The following NR3C2 variants were observed in gnomAD, a reference collection of about 807,000 sequenced individuals.
NR3C2 encodes the protein mineralocorticoid receptor.
A neutral mutation model predicts 86.4 loss-of-function variants in NR3C2; 15 were observed. That is an observed-to-expected ratio of 0.17 (90% CI 0.12 to 0.27). The LOEUF (loss-of-function observed/expected upper bound fraction) is 0.27, where lower values mean the gene tolerates loss of function less well. Ranked by LOEUF, NR3C2 falls within the 10% of genes least tolerant of loss-of-function variation. NR3C2 has a pLI of 1.00. For synonymous variants in NR3C2, 458 were observed against 450.5 expected (o/e 1.02, Z -0.21); for missense variants, 960 against 1,195.6 (o/e 0.80, Z 2.91).
chr4:148,175,496 AT>A (rs1302136543), intron 4 of NR3C2, among the ~76,000 whole-genome samples: 1 of 152,208 alleles, frequency 6.6e-6, no homozygotes, highest in Non-Finnish European at 1.5e-5. Context: ...AAGCTTTTGA[AT>A]TTGGCTTAAA....
intron 3 of NR3C2, among the ~76,000 whole-genome samples, chr4:148,243,646 T>C (rs1739171975): frequency 6.6e-6 from 1 of 152,212 alleles, no homozygotes; most frequent in South Asian, 2.1e-4. Flanking sequence ...CATAGTGGGT[T>C]TTCTTTAAAT....
intron 2 of NR3C2, among the ~76,000 whole-genome samples, chr4:148,298,425 C>T (rs551132591): frequency 1.1e-4 from 16 of 152,252 alleles, no homozygotes; most frequent in South Asian, 2.1e-4. Context: ...AAATGTGTTG[C>T]GCCTTGATCA....
chr4:148,373,631 T>G (rs9999121), intron 2 of NR3C2, among the ~76,000 whole-genome samples: 1 of 151,824 alleles, frequency 6.6e-6, no homozygotes, highest in Non-Finnish European at 1.5e-5. Context: ...CGTGCCACCA[T>G]GCCTGGCTAA....
chr4:148,234,495 C>A (rs1738638512), intron 3 of NR3C2, among the ~76,000 whole-genome samples: 1 of 151,946 alleles, frequency 6.6e-6, no homozygotes, highest in South Asian at 2.1e-4. Flanking sequence ...CACGGTGAAA[C>A]CCCGTATTTG....
At chr4:148,215,379 C>T (rs1264280090) in intron 3 of NR3C2, among the ~76,000 whole-genome samples, 3 of 152,220 alleles carry the variant, frequency 2.0e-5, no homozygotes, top group African/African-American at 7.2e-5. Context: ...ACTGCTGCTG[C>T]ATGCTGGTGG....
intron 4 of NR3C2, among the ~76,000 whole-genome samples, chr4:148,172,570 T>C (rs763333124): frequency 7.9e-5 from 12 of 152,226 alleles, no homozygotes; most frequent in Admixed American, 1.3e-4. Context: ...AGTTTTATAA[T>C]GAAATCTTTT....
chr4:148,307,880 T>C (rs1404521758), intron 2 of NR3C2, among the ~76,000 whole-genome samples: 1 of 149,706 alleles, frequency 6.7e-6, no homozygotes, highest in Non-Finnish European at 1.5e-5. Flanking sequence ...AAAGGGCACT[T>C]GAAGATACTC....
At chr4:148,371,619 GAA>G (rs57980467) in intron 2 of NR3C2, among the ~76,000 whole-genome samples, 1 of 145,096 alleles carries the variant, frequency 6.9e-6, no homozygotes, top group African/African-American at 2.5e-5. Flanking sequence ...CACTAGAAGA[GAA>G]AAAAAAAAGG....
chr4:148,262,612 T>C (rs892291491), intron 2 of NR3C2, among the ~76,000 whole-genome samples: 1 of 152,178 alleles, frequency 6.6e-6, no homozygotes, highest in Admixed American at 6.5e-5. Flanking sequence ...TCCTAGCCCT[T>C]AGTACCTTGT....
At chr4:148,401,404 G>A (rs1370995490) in intron 2 of NR3C2, among the ~76,000 whole-genome samples, 1 of 149,996 alleles carries the variant, frequency 6.7e-6, no homozygotes, top group Admixed American at 6.6e-5. Flanking sequence ...ATATCACACA[G>A]TTTTGGTCTA....
At chr4:148,081,787 T>TG (rs942883011) in intron 8 of NR3C2, among the ~76,000 whole-genome samples, 58 of 152,354 alleles carry the variant, frequency 3.8e-4, no homozygotes, top group African/African-American at 1.3e-3. Context: ...TAACAGTGAC[T>TG]GGGTCACTGA....
intron 1 of NR3C2, among the ~76,000 whole-genome samples, chr4:148,437,942 TTGATA>T (rs1750156599): frequency 6.6e-6 from 1 of 152,244 alleles, no homozygotes. Flanking sequence ...ATAGGCTATA[TTGATA>T]TAATTCTTAC....
At chr4:148,394,957 G>T (rs1747786639) in intron 2 of NR3C2, among the ~76,000 whole-genome samples, 1 of 152,062 alleles carries the variant, frequency 6.6e-6, no homozygotes, top group Non-Finnish European at 1.5e-5. Flanking sequence ...AGACGAAATT[G>T]TTCAGTTTGC....
intron 3 of NR3C2, among the ~76,000 whole-genome samples, chr4:148,259,570 A>G (rs796845366): frequency 2.0e-5 from 3 of 152,242 alleles, no homozygotes; most frequent in South Asian, 4.1e-4. Flanking sequence ...TGATTCTGAT[A>G]TTAACGTTTT....
At chr4:148,193,051 T>C (rs1473347467) in intron 4 of NR3C2, among the ~76,000 whole-genome samples, 1 of 152,210 alleles carries the variant, frequency 6.6e-6, no homozygotes, top group East Asian at 1.9e-4. Flanking sequence ...TCCTTCTCCT[T>C]GTGGAGTTTT....
At chr4:148,187,854 T>A (rs1736004009) in intron 4 of NR3C2, among the ~76,000 whole-genome samples, 1 of 152,234 alleles carries the variant, frequency 6.6e-6, no homozygotes, top group African/African-American at 2.4e-5. Context: ...TAGTTTCAGG[T>A]ATTAGGTTTA....
rs182259558 is a variant in NR3C2, at chr4:148,332,847, G to A, written c.1758-72730C>T. On this transcript the variant is annotated intron_variant, in intron 2 of 8. Transcript: ENST00000358102. ...TTCTTCCAAAGAGTTCTTTTGGAGGGTGTGTTAGAGTGTGTATGTGTATGT... is the reference window on the plus strand; with the variant it reads ...TTCTTCCAAAGAGTTCTTTTGGAGGATGTGTTAGAGTGTGTATGTGTATGT... Among the ~76,000 whole-genome samples the A allele has an allele frequency of 9.1e-4, 138 of 152,268 alleles. 1 individual carries two copies. In the Middle Eastern group the frequency reaches 0.014, roughly 15 times the overall value.
intron 3 of NR3C2, among the ~76,000 whole-genome samples, chr4:148,223,850 T>G (rs544712107): frequency 7.6e-4 from 115 of 152,290 alleles, no homozygotes; most frequent in Non-Finnish European, 2.5e-4. Flanking sequence ...TGGGAAGAAC[T>G]GCCAAGTTTG....
intron 3 of NR3C2, among the ~76,000 whole-genome samples, chr4:148,230,642 G>A (rs112011454): frequency 1.7e-4 from 26 of 152,170 alleles, no homozygotes; most frequent in African/African-American, 3.1e-4. Flanking sequence ...TATAGGCAAA[G>A]CACCCTAAAT....
Sources: allele counts gnomAD v4.1 joint callset (sites outside exome capture counted in the v4.1 genomes callset), GRCh38; gene constraint gnomAD v4.1.1; transcripts MANE v1.5; gene names NCBI Gene and HGNC (gene_info 2026-07-23, HGNC 2026-07-21).